MFHAS1: variants seen among roughly 807,000 people sequenced by gnomAD.
The protein encoded by MFHAS1 is multifunctional ROCO family signaling regulator 1, also known as malignant fibrous histiocytoma-amplified sequence 1.
MFHAS1 carries 50 observed loss-of-function variants against 70.4 expected under a neutral mutation model. The observed-to-expected ratio is 0.71, with a 90% CI of 0.57 to 0.90. MFHAS1 has a LOEUF of 0.90. Ranked by LOEUF, MFHAS1 falls within the 40% of genes least tolerant of loss-of-function variation. The pLI is 0.00. For synonymous variants in MFHAS1, 952 were observed against 620.0 expected, an observed-to-expected ratio of 1.54 and a Z score of -7.96; for missense variants, 1,795 against 1,347.6, an observed-to-expected ratio of 1.33 and a Z score of -5.20.
Position 8,891,858 on chromosome 8 carries a change from G to A in MFHAS1, c.1201C>T (p.His401Tyr), listed in dbSNP as rs1389512907. ...YIAAYQKELA[H>Y]SQPAVQPRLK... ...CGGGGCTGCACCGCCGGCTGGGAAT[G>A]AGCCAGTTCCTTCTGGTAGGCTGCG... The change falls in exon 1 of 3, where the codon CAT becomes TAT. Residue 401 changes from histidine (H) to tyrosine (Y), a missense_variant. His to Tyr is a moderately conservative substitution (Grantham distance 83). Coordinates refer to ENST00000276282, the MANE Select transcript of MFHAS1 (RefSeq NM_004225.3). The surrounding 1 kb of genome is among the most constrained non-coding windows in gnomAD (Gnocchi z 5.4). The A allele has an allele frequency of 6.2e-7, 1 of 1,612,566 alleles. No homozygotes were observed. The highest frequency in any genetic ancestry group is 8.5e-7 in the Non-Finnish European group (1 of 1,179,554).
chr8:8,803,128 C>T, intron 1 of MFHAS1, among the ~76,000 whole-genome samples: 1 of 152,178 alleles, frequency 6.6e-6, no homozygotes. Context: ...ACAAGGTTTG[C>T]TCTTGGCTCA....
intron 1 of MFHAS1, among the ~76,000 whole-genome samples, chr8:8,849,612 C>T (rs1017398544): frequency 1.3e-5 from 2 of 152,160 alleles, no homozygotes; most frequent in African/African-American, 4.8e-5. Flanking sequence ...CCCAAAGAGC[C>T]TCCCCTGGGC....
chr8:8,881,152 T>A (rs1224395791), intron 1 of MFHAS1, among the ~76,000 whole-genome samples: 1 of 152,232 alleles, frequency 6.6e-6, no homozygotes, highest in Non-Finnish European at 1.5e-5. Context: ...GAAAAAAACT[T>A]GTTGGTGATA....
chr8:8,820,724 C>A (rs1806922216), intron 1 of MFHAS1, among the ~76,000 whole-genome samples: 2 of 152,150 alleles, frequency 1.3e-5, no homozygotes, highest in Admixed American at 6.5e-5. Flanking sequence ...TATCTCTAGT[C>A]AGGATGGGAA....
rs749174465 is a variant in MFHAS1 at position 8,892,614 on chromosome 8, C to A, written c.445G>T (p.Ala149Ser). 23 of 1,607,784 alleles carry A rather than the reference C, an allele frequency of 1.4e-5. No individual in the cohort carries two copies. In the Admixed American group the frequency reaches 3.6e-4, roughly 25 times the overall value. ...KLNLSHNQLP[A>S]LPAQLGALAH... Reference sequence around the variant, plus strand: ...AGAGCGCCCAGCTGGGCGGGCAGGGCGGGCAGCTGGTTGTGGCTGAGGTTG... The same window carrying A: ...AGAGCGCCCAGCTGGGCGGGCAGGGAGGGCAGCTGGTTGTGGCTGAGGTTG... The change falls in exon 1 of 3, where the codon GCC becomes TCC. Residue 149 changes from alanine (A) to serine (S), a missense_variant. By Grantham distance (99) the Ala-to-Ser change is moderately conservative. Coordinates refer to ENST00000276282, the MANE Select transcript of MFHAS1 (RefSeq NM_004225.3). This position sits in a 1 kb window ranked among gnomAD's most constrained non-coding sequence, Gnocchi z 4.7.
chr8:8,843,852 T>A (rs74578242), intron 1 of MFHAS1, among the ~76,000 whole-genome samples: 2 of 152,160 alleles, frequency 1.3e-5, no homozygotes. Flanking sequence ...AATGGAAAGG[T>A]AGAAATTGAA....
At chr8:8,865,086 G>A (rs1217326663) in intron 1 of MFHAS1, among the ~76,000 whole-genome samples, 3 of 151,954 alleles carry the variant, frequency 2.0e-5, no homozygotes, top group Non-Finnish European at 2.9e-5. Context: ...GACCAGCCTG[G>A]CCAACATGGT....
At chr8:8,789,945 C>A (rs746295158) in intron 2 of MFHAS1, among the ~76,000 whole-genome samples, 6 of 152,110 alleles carry the variant, frequency 3.9e-5, no homozygotes, top group Non-Finnish European at 7.3e-5. Flanking sequence ...CTCCCCTCTC[C>A]CCTCCTGCCC....
intron 1 of MFHAS1, among the ~76,000 whole-genome samples, chr8:8,831,797 C>A (rs531818713): frequency 9.9e-5 from 15 of 151,998 alleles, no homozygotes; most frequent in African/African-American, 3.1e-4. Context: ...TTAGTAGAGA[C>A]GGGTTTCACC....
chr8:8,835,644 T>C (rs535232725), intron 1 of MFHAS1, among the ~76,000 whole-genome samples: 1 of 152,364 alleles, frequency 6.6e-6, no homozygotes, highest in Non-Finnish European at 1.5e-5. Context: ...AAAGCTTTTC[T>C]CTCTCACTTC....
chr8:8,865,154 G>A (rs1252604930), intron 1 of MFHAS1, among the ~76,000 whole-genome samples: 2 of 151,494 alleles, frequency 1.3e-5, no homozygotes, highest in African/African-American at 4.9e-5. Context: ...GCATGCACCT[G>A]TAATCCCAGT....
At chr8:8,828,236 T>G (rs981123190) in intron 1 of MFHAS1, among the ~76,000 whole-genome samples, 3 of 152,156 alleles carry the variant, frequency 2.0e-5, no homozygotes, top group African/African-American at 7.2e-5. Flanking sequence ...AAACCAGAGA[T>G]TAAAAAACAT....
At position 8,872,404 on chromosome 8, in the gene MFHAS1, T is replaced by G. The variant is rs563161977; in HGVS notation, c.2998+17657A>C. Among the ~76,000 whole-genome samples, 17 of 152,234 alleles carry G rather than the reference T, an allele frequency of 1.1e-4. No homozygotes were observed. In the South Asian group the frequency reaches 3.5e-3, roughly 32 times the overall value. On this transcript the variant is annotated intron_variant, in intron 1 of 2. Coordinates refer to ENST00000276282, the MANE Select transcript of MFHAS1 (RefSeq NM_004225.3). Reference sequence around the variant, plus strand: ...ACTGTAAAAGGGGACGGCAGGAGGATTCCAACCTTGCAGCTTCCTTCATGC... The same window carrying G: ...ACTGTAAAAGGGGACGGCAGGAGGAGTCCAACCTTGCAGCTTCCTTCATGC...
rs570768128 is a variant in MFHAS1 at position 8,804,522 on chromosome 8, G to A, written c.2999-7031C>T. 2.6e-4 allele frequency among the ~76,000 whole-genome samples: 39 copies of A among 152,340 alleles called. 1 individual carries two copies. The South Asian group carries it at 7.9e-3, about 31-fold the overall frequency. On this transcript the variant is annotated intron_variant, in intron 1 of 2. Transcript: ENST00000276282. Reference sequence around the variant, plus strand: ...TACAATCGGTAGGGTAAATAAACCAGGCCAGTTGGGGCCTCTCAGAGATGC... The same window carrying A: ...TACAATCGGTAGGGTAAATAAACCAAGCCAGTTGGGGCCTCTCAGAGATGC...
intron 1 of MFHAS1, among the ~76,000 whole-genome samples, chr8:8,880,704 A>T (rs1285298977): frequency 6.9e-6 from 1 of 144,626 alleles, no homozygotes; most frequent in South Asian, 2.2e-4. Context: ...TTTTTCCCCC[A>T]GATGGAGTCT....
At position 8,785,601 on chromosome 8, in the gene MFHAS1, G is replaced by T; in HGVS notation, c.*421C>A. 5.8e-6 allele frequency: 1 copy of T among 173,076 alleles called. No homozygotes were observed. The highest frequency in any genetic ancestry group is 1.6e-4 in the South Asian group (1 of 6,186). 10.7% of individuals were successfully genotyped at this position (173,076 alleles called of 1,614,324 possible). On this transcript the variant is annotated 3_prime_UTR_variant, in exon 3 of 3. Transcript: ENST00000276282. ...ATATACATATTTTACACTAGTTATGGAACAGCAATGAACGTCAGTCGATCC... is the reference window on the plus strand; with the variant it reads ...ATATACATATTTTACACTAGTTATGTAACAGCAATGAACGTCAGTCGATCC...
At chr8:8,877,369 A>C (rs1809338518) in intron 1 of MFHAS1, among the ~76,000 whole-genome samples, 1 of 150,590 alleles carries the variant, frequency 6.6e-6, no homozygotes, top group South Asian at 2.1e-4. Flanking sequence ...ATTTTCAGTC[A>C]GTGAGTAGTG....
Position 8,787,119 on chromosome 8 carries a change from T to C in MFHAS1, c.3126-1064A>G, listed in dbSNP as rs372036346. On this transcript the variant is annotated intron_variant, in intron 2 of 2. Transcript: ENST00000276282. The stretch of plus-strand genomic sequence containing the variant: ...TTTTTGAGACAGAGTCTCGCTCTGT[T>C]GCCCAGGCTGGAGTGCAGTGGCGCA... 2.5e-3 allele frequency among the ~76,000 whole-genome samples: 377 copies of C among 151,790 alleles called. 2 individuals carry two copies. Among genetic ancestry groups the C allele is most frequent in the Middle Eastern group, 0.014 (4 of 294 alleles).
intron 1 of MFHAS1, among the ~76,000 whole-genome samples, chr8:8,832,857 T>G (rs529576313): frequency 1.3e-5 from 2 of 152,286 alleles, no homozygotes; most frequent in East Asian, 3.9e-4. Context: ...CTAAGAATTT[T>G]TACAAACTAT....
Sources: gnomAD v4.1 joint callset for allele counts (sites outside exome capture counted in the v4.1 genomes callset) on GRCh38, gnomAD v4.1.1 for gene constraint, Gnocchi (gnomAD v3.1) non-coding constraint, MANE v1.5 for transcripts, NCBI Gene and HGNC (gene_info 2026-07-23, HGNC 2026-07-21) for gene names.